COP1: variants seen among roughly 807,000 people sequenced by gnomAD.
COP1 encodes the protein E3 ubiquitin-protein ligase COP1.
In COP1, 24 loss-of-function variants were observed where a neutral mutation model predicts 101.3. That is an observed-to-expected ratio of 0.24 (90% CI 0.17 to 0.33). The LOEUF (loss-of-function observed/expected upper bound fraction) is 0.33. COP1 is among the 10% of genes least tolerant of loss of function. COP1 has a pLI of 1.00. For synonymous variants in COP1, 347 were observed against 341.9 expected (o/e 1.01, Z -0.17); for missense variants, 663 against 906.2 (o/e 0.73, Z 3.45).
intron 18 of COP1, among the ~76,000 whole-genome samples, chr1:175,969,576 G>A (rs954386955): frequency 6.6e-6 from 1 of 152,124 alleles, no homozygotes; most frequent in African/African-American, 2.4e-5. Flanking sequence ...ACTTCTCCAT[G>A]AGACTATTCA....
At chr1:175,997,783 AC>A (rs1404508059) in intron 15 of COP1, among the ~76,000 whole-genome samples, 8 of 152,120 alleles carry the variant, frequency 5.3e-5, no homozygotes. Context: ...AAATAGGAAC[AC>A]TTTTACACTG....
In COP1 at chr1:176,206,820, G is replaced by T; in HGVS notation, c.159C>A (p.Ala53=). ...SAAALVSGGV[A]QAAGSGGLGG... is the part of the protein sequence containing the mutation. ...CGAGGCCGCCCGAGCCGGCGGCCTG[G>T]GCCACCCCGCCGGACACCAGCGCTG... is the stretch of plus-strand genomic sequence containing the variant. The change falls in exon 1 of 20, where the codon GCC becomes GCA. Residue 53 remains alanine, a synonymous_variant. Transcript: ENST00000367669. 1 of 1,399,088 alleles carries T rather than the reference G, an allele frequency of 7.1e-7. No homozygotes were observed. The allele number at this position is 1,399,088 out of a possible 1,614,324, so 86.7% of individuals were successfully genotyped here. A position where few individuals can be genotyped will look rare whatever the true frequency, so the allele number is the denominator to read the frequency against.
intron 11 of COP1, among the ~76,000 whole-genome samples, chr1:176,074,184 CG>C: frequency 6.6e-6 from 1 of 152,126 alleles, no homozygotes; most frequent in African/African-American, 2.4e-5. Flanking sequence ...GCCTCGGCCC[CG>C]CAAAGTGCTG....
rs1650124562 is a variant in COP1 at position 175,952,860 on chromosome 1, T to A, written c.2134-5621A>T. On this transcript the variant is annotated intron_variant, in intron 18 of 19. Coordinates refer to ENST00000367669, the MANE Select transcript of COP1 (RefSeq NM_022457.7). Reference sequence around the variant, plus strand: ...TGAGCCTAGGAGTTTGAGGCTGCAGTGAGCTATGGTTGCACCACTGCACTC... The same window carrying A: ...TGAGCCTAGGAGTTTGAGGCTGCAGAGAGCTATGGTTGCACCACTGCACTC... 2.0e-5 allele frequency among the ~76,000 whole-genome samples: 3 copies of A among 152,224 alleles called. No homozygotes were observed. The South Asian group carries it at 6.2e-4, about 31-fold the overall frequency.
At chr1:176,007,792 T>C (rs1387038379) in intron 15 of COP1, among the ~76,000 whole-genome samples, 1 of 152,226 alleles carries the variant, frequency 6.6e-6, no homozygotes, top group East Asian at 1.9e-4. Flanking sequence ...TACTGCTGTC[T>C]TTTTGTTTGT....
At chr1:176,129,945 T>A (rs1191585090) in intron 8 of COP1, among the ~76,000 whole-genome samples, 1 of 151,804 alleles carries the variant, frequency 6.6e-6, no homozygotes, top group Non-Finnish European at 1.5e-5. Context: ...AGGCTCATAC[T>A]AAGCTAATGG....
At chr1:176,031,725 G>A (rs943439737) in intron 14 of COP1, among the ~76,000 whole-genome samples, 1 of 152,046 alleles carries the variant, frequency 6.6e-6, no homozygotes, top group Admixed American at 6.6e-5. Context: ...TTAACACTAA[G>A]TGTTCTATAC....
chr1:176,001,984 C>A (rs552966301), intron 15 of COP1, among the ~76,000 whole-genome samples: 2 of 152,190 alleles, frequency 1.3e-5, no homozygotes, highest in Non-Finnish European at 2.9e-5. Flanking sequence ...TAATGAGGAT[C>A]CCTGGTACTT....
intron 3 of COP1, among the ~76,000 whole-genome samples, chr1:176,168,409 G>C (rs549864440): frequency 6.0e-5 from 9 of 150,734 alleles, no homozygotes; most frequent in African/African-American, 2.0e-4. Context: ...CTGGGTGGGT[G>C]GGGGGAGTAC....
chr1:176,089,779 ATCTC>A (rs1017474136), intron 9 of COP1, among the ~76,000 whole-genome samples: 7 of 152,188 alleles, frequency 4.6e-5, no homozygotes, highest in South Asian at 2.1e-4. Context: ...ACCCTATATA[ATCTC>A]TCTTAGTTTT....
chr1:176,100,464 T>G (rs1239202541), intron 9 of COP1: 1 of 152,072 alleles, frequency 6.6e-6, no homozygotes, highest in African/African-American at 2.4e-5. Flanking sequence ...GTCATTAAAT[T>G]CTACATTCCT....
intron 9 of COP1, 98 bp from the exon 10 acceptor site, chr1:176,085,988 C>A: frequency 1.7e-6 from 1 of 579,180 alleles, no homozygotes; most frequent in Non-Finnish European, 3.1e-6. Flanking sequence ...AGAAGTTCAT[C>A]ACAGTAAAAT....
intron 9 of COP1, among the ~76,000 whole-genome samples, chr1:176,103,173 A>T (rs1683700748): frequency 6.6e-6 from 1 of 152,176 alleles, no homozygotes; most frequent in Non-Finnish European, 1.5e-5. Context: ...AAATCCTTGG[A>T]GTTTCCTGAG....
chr1:176,067,143 T>C (rs1238805121), intron 11 of COP1, among the ~76,000 whole-genome samples: 1 of 152,140 alleles, frequency 6.6e-6, no homozygotes, highest in Non-Finnish European at 1.5e-5. Context: ...GAATATACAA[T>C]ACTAAGAGTG....
intron 14 of COP1, among the ~76,000 whole-genome samples, chr1:176,033,702 C>T (rs780994892): frequency 6.6e-5 from 10 of 151,896 alleles, no homozygotes; most frequent in East Asian, 1.9e-4. Context: ...CATGTAATTA[C>T]GTGCATATAT....
chr1:176,091,090 T>A lies in COP1; in HGVS notation c.1027-5200A>T, dbSNP rs148386876. On this transcript the variant is annotated intron_variant, in intron 9 of 19. Coordinates refer to ENST00000367669, the MANE Select transcript of COP1 (RefSeq NM_022457.7). ...GCTAGAGCAAAAAGGACATCAATAA[T>A]CTTAAAAAAGTTGAGAGAAAAAAAT... Among the ~76,000 whole-genome samples the A allele has an allele frequency of 6.3e-3, 961 of 152,152 alleles. 11 individuals carry two copies. Among genetic ancestry groups the A allele is most frequent in the African/African-American group, 0.022 (910 of 41,526 alleles).
At chr1:176,005,534 A>C (rs1662932701) in intron 15 of COP1, among the ~76,000 whole-genome samples, 2 of 152,112 alleles carry the variant, frequency 1.3e-5, no homozygotes, top group Admixed American at 6.5e-5. Flanking sequence ...TGTGTCCCAG[A>C]GATTCTGGTA....
intron 18 of COP1, among the ~76,000 whole-genome samples, chr1:175,980,100 T>C (rs1247131107): frequency 6.6e-6 from 1 of 152,088 alleles, no homozygotes; most frequent in Admixed American, 6.6e-5. Flanking sequence ...GTGGCTATTA[T>C]TATGGGCACT....
intron 2 of COP1, among the ~76,000 whole-genome samples, chr1:176,179,861 C>T (rs886323256): frequency 7.7e-6 from 1 of 130,238 alleles, no homozygotes; most frequent in East Asian, 2.3e-4. Flanking sequence ...ATCTCTCAGA[C>T]AAAAAAAAAA....
Sources: gnomAD v4.1 joint callset for allele counts (sites outside exome capture counted in the v4.1 genomes callset) on GRCh38, gnomAD v4.1.1 for gene constraint, MANE v1.5 for transcripts, NCBI Gene and HGNC (gene_info 2026-07-23, HGNC 2026-07-21) for gene names.